CCR3: variants seen among roughly 807,000 people sequenced by gnomAD.
CCR3 encodes the protein C-C chemokine receptor type 3.
For synonymous variants in CCR3, 203 were observed against 179.2 expected (o/e 1.13, Z -1.06); for missense variants, 419 against 437.5 (o/e 0.96, Z 0.38).
chr3:46,241,455 C>T (rs537024719), upstream of CCR3, among the ~76,000 whole-genome samples: 12 of 152,200 alleles, frequency 7.9e-5, no homozygotes, highest in Non-Finnish European at 1.6e-4. Flanking sequence ...TGGCTCTGCC[C>T]TGTGACGCTT....
At chr3:46,237,172 T>A (rs1255415646) in intron 2 of CCR3, among the ~76,000 whole-genome samples, 1 of 152,234 alleles carries the variant, frequency 6.6e-6, no homozygotes, top group Non-Finnish European at 1.5e-5. Context: ...AGTGCTGCAG[T>A]AAACACGGTG....
rs114524552 is a variant in CCR3 at position 46,211,517 on chromosome 3, C to G, written c.-68+610C>G. Reference sequence around the variant, plus strand: ...GGGATTACAGGTGTGACCTGTGATCCCACCATGCCTGACCTAGATTTGCAT... The same window carrying G: ...GGGATTACAGGTGTGACCTGTGATCGCACCATGCCTGACCTAGATTTGCAT... On this transcript the variant is annotated intron_variant, in intron 2 of 3. Transcript: ENST00000357422. 3.4e-3 allele frequency among the ~76,000 whole-genome samples: 524 copies of G among 151,974 alleles called. 2 individuals carry two copies. Among genetic ancestry groups the G allele is most frequent in the Non-Finnish European group, 4.5e-3 (305 of 67,992 alleles).
chr3:46,227,175 C>G (rs898056152), intron 2 of CCR3, among the ~76,000 whole-genome samples: 1 of 152,104 alleles, frequency 6.6e-6, no homozygotes, highest in Non-Finnish European at 1.5e-5. Context: ...TGAGCCACCA[C>G]GCCCAGCTGA....
intron 1 of CCR3, among the ~76,000 whole-genome samples, chr3:46,256,944 C>T (rs2125933298): frequency 8.1e-6 from 1 of 123,830 alleles, no homozygotes; most frequent in East Asian, 3.0e-4. Context: ...GAGGTCTTCA[C>T]ATTTGTGCAC....
At position 46,243,525 on chromosome 3, in the gene CCR3, G is replaced by A. The variant is rs531323414; in HGVS notation, c.-12+987G>A. Among the ~76,000 whole-genome samples the A allele has an allele frequency of 2.0e-5, 3 of 152,224 alleles. 1 individual carries two copies. The South Asian group carries it at 6.2e-4, about 32-fold the overall frequency. ...TGGGTGAATGAGATTGTCTGTGTTAGAGGGTAGAGCTAGAAAGCCTTACCG... is the reference window on the plus strand; with the variant it reads ...TGGGTGAATGAGATTGTCTGTGTTAAAGGGTAGAGCTAGAAAGCCTTACCG... On this transcript the variant is annotated intron_variant, in intron 1 of 1. Transcript: ENST00000395940.
In CCR3 at chr3:46,265,840, A is replaced by G. The variant is rs199650733; in HGVS notation, c.682A>G (p.Arg228Gly). ...CACAGGAATCATCAAAACGCTGCTG[A>G]GGTGCCCCAGTAAAAAAAAGTACAA... ...CYTGIIKTLL[R>G]CPSKKKYKAI... The change falls in exon 2 of 2, where the codon AGG becomes GGG. Residue 228 changes from arginine (R) to glycine (G), a missense_variant. Arg to Gly is a moderately radical substitution (Grantham distance 125, BLOSUM62 -2). Transcript: ENST00000395940. The G allele has an allele frequency of 9.3e-6, 15 of 1,613,922 alleles. No homozygotes were observed. Among genetic ancestry groups the G allele is most frequent in the Non-Finnish European group, 1.3e-5 (15 of 1,180,000 alleles).
At chr3:46,220,889 C>T (rs1050290948) in intron 2 of CCR3, among the ~76,000 whole-genome samples, 11 of 152,064 alleles carry the variant, frequency 7.2e-5, no homozygotes, top group Middle Eastern at 3.2e-3. Flanking sequence ...AAAGACTACA[C>T]GCTGGGTGCA....
intron 1 of CCR3, among the ~76,000 whole-genome samples, chr3:46,262,963 A>T (rs1341659392): frequency 6.6e-6 from 1 of 151,970 alleles, no homozygotes; most frequent in Non-Finnish European, 1.5e-5. Context: ...CCCATATGAG[A>T]TTTTCTGTCT....
At chr3:46,256,442 T>C (rs1165700946) in intron 1 of CCR3, among the ~76,000 whole-genome samples, 1 of 152,054 alleles carries the variant, frequency 6.6e-6, no homozygotes, top group Non-Finnish European at 1.5e-5. Flanking sequence ...AATCCCAAAA[T>C]ATTAAAATCC....
intron 1 of CCR3, among the ~76,000 whole-genome samples, chr3:46,260,039 G>C (rs1700493998): frequency 6.6e-6 from 1 of 152,178 alleles, no homozygotes; most frequent in Non-Finnish European, 1.5e-5. Flanking sequence ...TCATATGGTG[G>C]CAGACAAGAG....
chr3:46,261,113 G>A (rs1241441040), intron 1 of CCR3, among the ~76,000 whole-genome samples: 1 of 151,944 alleles, frequency 6.6e-6, no homozygotes, highest in East Asian at 1.9e-4. Context: ...CACATTCCCA[G>A]GTATAAAACC....
At chr3:46,227,185 A>T (rs1295867883) in intron 2 of CCR3, among the ~76,000 whole-genome samples, 1 of 152,118 alleles carries the variant, frequency 6.6e-6, no homozygotes, top group East Asian at 1.9e-4. Flanking sequence ...CGCCCAGCTG[A>T]AACATTTTGT....
intron 1 of CCR3, among the ~76,000 whole-genome samples, chr3:46,260,160 C>T (rs539440629): frequency 9.2e-5 from 14 of 152,164 alleles, no homozygotes; most frequent in Admixed American, 2.0e-4. Flanking sequence ...AATTCAATCA[C>T]CTCCCACCGT....
At chr3:46,231,502 C>A (rs41489749) in intron 2 of CCR3, among the ~76,000 whole-genome samples, 3 of 152,156 alleles carry the variant, frequency 2.0e-5, no homozygotes, top group Non-Finnish European at 2.9e-5. Context: ...TATTAGTCAA[C>A]GAGCACAAAG....
intron 2 of CCR3, among the ~76,000 whole-genome samples, chr3:46,225,999 A>T (rs1699890304): frequency 6.6e-6 from 1 of 152,142 alleles, no homozygotes; most frequent in Admixed American, 6.5e-5. Context: ...CATATTTGTG[A>T]GTCTAGTTCT....
intron 2 of CCR3, among the ~76,000 whole-genome samples, chr3:46,231,658 G>T (rs750458094): frequency 5.3e-5 from 8 of 152,142 alleles, no homozygotes; most frequent in Non-Finnish European, 1.2e-4. Context: ...AGGACAGGAG[G>T]AAACTTTTGA....
rs547745455 is a variant in CCR3, at chr3:46,230,688, C to T, written c.-67-11714C>T. 1.4e-3 allele frequency among the ~76,000 whole-genome samples: 215 copies of T among 152,248 alleles called. 4 individuals are homozygous for T. Among genetic ancestry groups the T allele is most frequent in the South Asian group, 5.0e-3 (24 of 4,808 alleles). On this transcript the variant is annotated intron_variant, in intron 2 of 3. Transcript: ENST00000357422. ...TAGCAGAGGGCCCAGCCCCCTCTGACGATGTAAATGCAGCCCCTCCATCTA... is the reference window on the plus strand; with the variant it reads ...TAGCAGAGGGCCCAGCCCCCTCTGATGATGTAAATGCAGCCCCTCCATCTA...
At chr3:46,242,982 C>T (rs35369954) in intron 1 of CCR3, among the ~76,000 whole-genome samples, 25,897 of 99,308 alleles carry the variant, frequency 0.26, 3,335 homozygotes, top group East Asian at 0.39. Context: ...TATATATACA[C>T]ATATATATAT....
intron 1 of CCR3, among the ~76,000 whole-genome samples, chr3:46,246,314 G>A (rs528606519): frequency 2.0e-5 from 3 of 152,332 alleles, no homozygotes; most frequent in Admixed American, 2.0e-4. Context: ...AACAGGCTTT[G>A]TGTGAGCAAC....
Sources: allele counts gnomAD v4.1 joint callset (sites outside exome capture counted in the v4.1 genomes callset), GRCh38; gene constraint gnomAD v4.1.1; transcripts MANE v1.5; gene names NCBI Gene and HGNC (gene_info 2026-07-23, HGNC 2026-07-21).